The following CASKIN1 variants were observed in gnomAD, a reference collection of about 807,000 sequenced individuals.
The protein encoded by CASKIN1 is caskin-1.
CASKIN1 carries 42 observed loss-of-function variants against 117.5 expected under a neutral mutation model. The observed-to-expected ratio is 0.36, with a 90% CI of 0.28 to 0.46. CASKIN1 has a LOEUF of 0.46. Ranked by LOEUF, CASKIN1 falls within the 20% of genes least tolerant of loss-of-function variation. CASKIN1 has a pLI of 1.00. For synonymous variants in CASKIN1, 1,148 were observed against 961.7 expected, an observed-to-expected ratio of 1.19 and a Z score of -3.59; for missense variants, 2,083 against 2,077.3, an observed-to-expected ratio of 1.00 and a Z score of -0.05.
Position 2,179,427 on chromosome 16 carries a change from C to T in CASKIN1, c.3776-102G>A. On this transcript the variant is annotated intron_variant, in intron 18 of 19. Transcript: ENST00000343516. This position sits in a 1 kb window ranked among gnomAD's most constrained non-coding sequence, Gnocchi z 5.8. ...TCCTCCCCAGCGGACCGGGAAAGACCCTGCTCACCTTGCCCCCAGCCCTGG... is the reference window on the plus strand; with the variant it reads ...TCCTCCCCAGCGGACCGGGAAAGACTCTGCTCACCTTGCCCCCAGCCCTGG... 4 of 1,349,538 alleles carry T rather than the reference C, an allele frequency of 3.0e-6. No individual in the cohort carries two copies. Among genetic ancestry groups the T allele is most frequent in the South Asian group, 2.0e-5 (1 of 50,380 alleles). 83.6% of individuals were successfully genotyped at this position (1,349,538 alleles called of 1,614,324 possible).
rs757935637 is a variant in CASKIN1 at position 2,181,080 on chromosome 16, G to A, written c.2288C>T (p.Pro763Leu). ...AGTGCCTGGTGGGAGGACCTGCCGT[G>A]GCTTGCCAGGCACGGGGGGCACGCT... ...RASVPPVPGKPRQVLPPGTSH... is the reference protein window; with the variant it reads ...RASVPPVPGKLRQVLPPGTSH... The change falls in exon 18 of 20, where the codon CCA becomes CTA. Residue 763 changes from proline (P) to leucine (L), a missense_variant. This residue lies in a region of CASKIN1 where 1,818 missense variants were observed against 1,688.9 expected (regional missense o/e 1.08). Transcript: ENST00000343516. 4.0e-6 allele frequency: 6 copies of A among 1,485,354 alleles called. No homozygotes were observed. Among genetic ancestry groups the A allele is most frequent in the Non-Finnish European group, 5.3e-6 (6 of 1,124,166 alleles). The allele number at this position is 1,485,354 out of a possible 1,614,324, so 92.0% of individuals were successfully genotyped here.
intron 6 of CASKIN1, chr16:2,188,814 G>A (rs1335432687): frequency 1.6e-6 from 1 of 631,654 alleles, no homozygotes; most frequent in South Asian, 2.1e-5. Flanking sequence ...GAGCGGTGGG[G>A]CTGGGACAGA....
At chr16:2,184,893 C>T in intron 13 of CASKIN1, 25 bp from the exon 14 acceptor site, 1 of 1,577,794 alleles carries the variant, frequency 6.3e-7, no homozygotes. Flanking sequence ...GGGTGGGGGA[C>T]AAGGGCTGTC....
At chr16:2,190,908 G>A (rs962722227) in intron 1 of CASKIN1, among the ~76,000 whole-genome samples, 12 of 152,212 alleles carry the variant, frequency 7.9e-5, no homozygotes, top group Non-Finnish European at 1.0e-4. Context: ...GAAGTGGGAG[G>A]CAGGCGAGTG....
In CASKIN1 at chr16:2,196,359, C is replaced by T; in HGVS notation, c.74G>A (p.Arg25Lys). 4.5e-6 allele frequency: 6 copies of T among 1,327,646 alleles called. No homozygotes were observed. Among genetic ancestry groups the T allele is most frequent in the Non-Finnish European group, 5.8e-6 (6 of 1,025,922 alleles). 82.2% of individuals were successfully genotyped at this position (1,327,646 alleles called of 1,614,324 possible). The change falls in exon 1 of 20, where the codon AGG becomes AAG. Residue 25 changes from arginine to lysine, a missense_variant. Around this residue, in one of 3 missense-constraint regions of CASKIN1, gnomAD observed 62 missense variants for 49.7 expected, o/e 1.25. Transcript: ENST00000343516. The surrounding 1 kb of genome is among the most constrained non-coding windows in gnomAD (Gnocchi z 5.7). The part of the protein sequence containing the change: ...DVGTAQRLLQ[R>K]PRPGKAKLLG... ...CTCACTGGCCTTCCCGGGCCGCGGCCTCTGCAGCAGCCTCTGCGCGGTCCC... is the reference window on the plus strand; with the variant it reads ...CTCACTGGCCTTCCCGGGCCGCGGCTTCTGCAGCAGCCTCTGCGCGGTCCC...
Position 2,180,457 on chromosome 16 carries a change from C to G in CASKIN1, c.2911G>C (p.Glu971Gln), listed in dbSNP as rs747282431. Residue 971 changes from glutamate to glutamine, a missense_variant, in exon 18 of 20, where the codon GAG (glutamate) becomes CAG (glutamine). Around this residue, in one of 3 missense-constraint regions of CASKIN1, gnomAD observed 1,818 missense variants for 1,688.9 expected, o/e 1.08. Coordinates refer to ENST00000343516, the MANE Select transcript of CASKIN1 (RefSeq NM_020764.4). Reference protein sequence around the residue: ...NLADEPVPDAEPEDGLLGVRA... With the variant: ...NLADEPVPDAQPEDGLLGVRA... ...ACCCCCAGCAGGCCATCCTCAGGCT[C>G]GGCGTCAGGCACCGGCTCATCCGCC... 3 of 1,556,208 alleles carry G rather than the reference C, an allele frequency of 1.9e-6. No homozygotes were observed. The Admixed American group carries it at 5.6e-5, about 29-fold the overall frequency.
chr16:2,181,093 C>T lies in CASKIN1; in HGVS notation c.2275G>A (p.Val759Met), dbSNP rs750979771. The T allele has an allele frequency of 1.3e-5, 19 of 1,479,472 alleles. No homozygotes were observed. Among genetic ancestry groups the T allele is most frequent in the Admixed American group, 2.6e-5 (1 of 38,100 alleles). The allele number at this position is 1,479,472 out of a possible 1,614,324, so 91.6% of individuals were successfully genotyped here. A position where few individuals can be genotyped will look rare whatever the true frequency, so the allele number is the denominator to read the frequency against. ...HSIKRASVPP[V>M]PGKPRQVLPP... ...AGGACCTGCCGTGGCTTGCCAGGCA[C>T]GGGGGGCACGCTGGCCCTCTTGATG... Residue 759 changes from valine to methionine, a missense_variant, in exon 18 of 20, where the codon GTG (valine) becomes ATG (methionine). Transcript: ENST00000343516.
intron 6 of CASKIN1, among the ~76,000 whole-genome samples, chr16:2,187,910 G>A (rs770009230): frequency 2.7e-5 from 4 of 150,064 alleles, no homozygotes; most frequent in African/African-American, 9.9e-5. Context: ...CTAAGACGGG[G>A]TCTCACTCTG....
chr16:2,189,730 G>A (rs79453837), intron 3 of CASKIN1, among the ~76,000 whole-genome samples, 166 bp from the exon 4 acceptor site: 3,381 of 150,802 alleles, frequency 0.022, 114 homozygotes, highest in African/African-American at 0.076. Context: ...GGTTGGGGGC[G>A]GGGGTTTGCT....
chr16:2,189,172 C>T lies in CASKIN1; in HGVS notation c.487-15G>A, dbSNP rs1186862519. On this transcript the variant is annotated splice_polypyrimidine_tract_variant and intron_variant, in intron 5 of 19. Coordinates refer to ENST00000343516, the MANE Select transcript of CASKIN1 (RefSeq NM_020764.4). ...AGCTGGACCACCTTGAAGGAGGGGT[C>T]AGGGTAGGGGGGTCCTGATGTGGGG... 1.2e-6 allele frequency: 2 copies of T among 1,612,444 alleles called. No individual in the cohort carries two copies. The highest frequency in any genetic ancestry group is 3.3e-5 in the Admixed American group (2 of 59,910).
chr16:2,181,038 G>A lies in CASKIN1; in HGVS notation c.2330C>T (p.Pro777Leu). 5 of 1,487,430 alleles carry A rather than the reference G, an allele frequency of 3.4e-6. No individual in the cohort carries two copies. The highest frequency in any genetic ancestry group is 2.8e-5 in the South Asian group (2 of 72,010). The allele number at this position is 1,487,430 out of a possible 1,614,324, so 92.1% of individuals were successfully genotyped here. ...LPPGTSHFTP[P>L]QTPTKTRPGS... is the part of the protein sequence containing the mutation. ...TGGTCGGGTTTTGGTGGGCGTCTGG[G>A]GGGGCGTGAAGTGGCTAGTGCCTGG... Residue 777 changes from proline to leucine, a missense_variant, in exon 18 of 20, where the codon CCC becomes CTC. Transcript: ENST00000343516.
At position 2,179,769 on chromosome 16, in the gene CASKIN1, G is replaced by A. The variant is rs2093160413; in HGVS notation, c.3599C>T (p.Pro1200Leu). 2 of 1,567,282 alleles carry A rather than the reference G, an allele frequency of 1.3e-6. No homozygotes were observed. The highest frequency in any genetic ancestry group is 1.8e-5 in the Admixed American group (1 of 54,668). ...ELPPPPPPAE[P>L]PPTDLAHLPP... ...TAGGTGCGCCAGGTCGGTGGGCGGGGGTTCGGCAGGCGGGGGCGGTGGAGG... is the reference window on the plus strand; with the variant it reads ...TAGGTGCGCCAGGTCGGTGGGCGGGAGTTCGGCAGGCGGGGGCGGTGGAGG... Residue 1200 changes from proline (P) to leucine (L), a missense_variant, in exon 18 of 20, where the codon CCC becomes CTC. Pro to Leu is a moderately conservative substitution (Grantham distance 98). Around this residue, in one of 3 missense-constraint regions of CASKIN1, gnomAD observed 1,818 missense variants for 1,688.9 expected, o/e 1.08. Transcript: ENST00000343516. This position sits in a 1 kb window ranked among gnomAD's most constrained non-coding sequence, Gnocchi z 5.8.
At position 2,179,213 on chromosome 16, in the gene CASKIN1, G is replaced by T; in HGVS notation, c.3888C>A (p.Gly1296=). ...GCGCGGGCGAGGGTGCGGGTGAAGG[G>T]CCGGCGCTGCCCGAAGGCAGCCCCG... The part of the protein sequence containing the change: ...AVAGLPSGSA[G]PSPAPSPARQ... Residue 1296 remains glycine, a synonymous_variant, in exon 19 of 20, where the codon GGC becomes GGA. Transcript: ENST00000343516. The surrounding 1 kb of genome is among the most constrained non-coding windows in gnomAD (Gnocchi z 5.8). The T allele has an allele frequency of 8.5e-7, 1 of 1,170,730 alleles. No homozygotes were observed. Among genetic ancestry groups the T allele is most frequent in the Admixed American group, 4.6e-5 (1 of 21,544 alleles). The allele number at this position is 1,170,730 out of a possible 1,614,324, so 72.5% of individuals were successfully genotyped here. A position where few individuals can be genotyped will look rare whatever the true frequency, so the allele number is the denominator to read the frequency against.
At position 2,180,769 on chromosome 16, in the gene CASKIN1, G is replaced by T; in HGVS notation, c.2599C>A (p.Pro867Thr). 1 of 1,434,246 alleles carries T rather than the reference G, an allele frequency of 7.0e-7. No homozygotes were observed. Among genetic ancestry groups the T allele is most frequent in the East Asian group, 2.7e-5 (1 of 37,652 alleles). 88.8% of individuals were successfully genotyped at this position (1,434,246 alleles called of 1,614,324 possible). A position where few individuals can be genotyped will look rare whatever the true frequency, so the allele number is the denominator to read the frequency against. ...CGCCCCGGCTCCGCGTCGGCCTCAG[G>T]GGGCAGGCACAGTGTGGGCACAGCC... ...PTAVPTLCLP[P>T]EADAEPGRPK... The change falls in exon 18 of 20, where the codon CCT (proline) becomes ACT (threonine). Residue 867 changes from proline (P) to threonine (T), a missense_variant. Coordinates refer to ENST00000343516, the MANE Select transcript of CASKIN1 (RefSeq NM_020764.4).
chr16:2,179,047 CG>C lies in CASKIN1; in HGVS notation c.4053del (p.Ala1352ProfsTer98). On this transcript the variant is annotated frameshift_variant, in exon 19 of 20. Coordinates refer to ENST00000343516, the MANE Select transcript of CASKIN1 (RefSeq NM_020764.4). LOFTEE classifies it high-confidence loss of function. This position sits in a 1 kb window ranked among gnomAD's most constrained non-coding sequence, Gnocchi z 5.8. Reference protein sequence around the residue: ...KPPRAAAAAAAAAAAPPAPPE... With the variant: ...KPPRAAAAAAXAAAAPPAPPE... The stretch of plus-strand genomic sequence containing the variant: ...GGCGGGGCGGGGGGCGCGGCGGCGG[CG>C]GCGGCGGCGGCGGCGGCGGCTCGCG... 1.0e-6 allele frequency: 1 copy of C among 998,616 alleles called. No homozygotes were observed. The highest frequency in any genetic ancestry group is 1.2e-6 in the Non-Finnish European group (1 of 839,940). The allele number at this position is 998,616 out of a possible 1,614,324, so 61.9% of individuals were successfully genotyped here. A position where few individuals can be genotyped will look rare whatever the true frequency, so the allele number is the denominator to read the frequency against.
chr16:2,183,145 G>A (rs916141254), intron 16 of CASKIN1, among the ~76,000 whole-genome samples: 2 of 152,252 alleles, frequency 1.3e-5, no homozygotes, highest in South Asian at 2.1e-4. Context: ...GAGAATGGGG[G>A]TGTCAGCTAT....
chr16:2,183,620 A>C (rs1049075727), intron 16 of CASKIN1, 26 bp downstream of exon 16: 12 of 1,608,818 alleles, frequency 7.5e-6, no homozygotes, highest in Non-Finnish European at 8.5e-6. Context: ...TCCTGGGCCC[A>C]GCCCCTGGGA....
intron 1 of CASKIN1, among the ~76,000 whole-genome samples, chr16:2,190,839 G>A (rs147856941): frequency 3.9e-5 from 6 of 152,328 alleles, no homozygotes; most frequent in Non-Finnish European, 2.9e-5. Context: ...GAGGATCTGC[G>A]TCTCCACCGT....
Position 2,179,576 on chromosome 16 carries a change from C to T in CASKIN1, c.3775+17G>A. ...GCAGGGTCCTGTTGCCCCTTCACCC[C>T]ACCCTGGCTGGCCTACCTGGGCTGC... On this transcript the variant is annotated intron_variant, in intron 18 of 19. Transcript: ENST00000343516. This position sits in a 1 kb window ranked among gnomAD's most constrained non-coding sequence, Gnocchi z 5.8. 1 of 1,433,576 alleles carries T rather than the reference C, an allele frequency of 7.0e-7. No individual in the cohort carries two copies. Among genetic ancestry groups the T allele is most frequent in the South Asian group, 1.5e-5 (1 of 67,436 alleles). 88.8% of individuals were successfully genotyped at this position (1,433,576 alleles called of 1,614,324 possible).
Sources: gnomAD v4.1 joint callset for allele counts (sites outside exome capture counted in the v4.1 genomes callset) on GRCh38, gnomAD v4.1.1 for gene constraint, gnomAD v4.1.1 regional missense constraint, Gnocchi (gnomAD v3.1) non-coding constraint, MANE v1.5 for transcripts, NCBI Gene and HGNC (gene_info 2026-07-23, HGNC 2026-07-21) for gene names.